NR4A3: variants seen among roughly 807,000 people sequenced by gnomAD.
NR4A3 encodes chondrosarcoma, extraskeletal myxoid, fused to EWS.
A neutral mutation model predicts 55.6 loss-of-function variants in NR4A3; 13 were observed. The ratio of observed to expected loss-of-function variants is 0.23; its 90% CI spans 0.15 to 0.37. The LOEUF is 0.37. Among genes scored for constraint, NR4A3 ranks in the 10% least tolerant of loss-of-function variants. NR4A3 has a pLI of 1.00. For missense variants in NR4A3, 646 were observed against 822.8 expected, an observed-to-expected ratio of 0.79 and a Z score of 2.63; for synonymous variants, 342 against 357.9, an observed-to-expected ratio of 0.96 and a Z score of 0.50.
At chr9:99,833,657 T>A in intron 5 of NR4A3, 2 of 1,589,572 alleles carry the variant, frequency 1.3e-6, no homozygotes, top group East Asian at 4.5e-5. Context: ...TCTAAATGCC[T>A]TAACAAGTGA....
intron 6 of NR4A3, 45 bp downstream of exon 6, chr9:99,844,893 C>A: frequency 1.4e-6 from 2 of 1,422,066 alleles, no homozygotes; most frequent in Non-Finnish European, 2.0e-6. Flanking sequence ...TTTGAAGAAG[C>A]CTGAAACCTT....
At chr9:99,834,573 G>T (rs1827517796) in intron 5 of NR4A3, among the ~76,000 whole-genome samples, 1 of 152,182 alleles carries the variant, frequency 6.6e-6, no homozygotes, top group Non-Finnish European at 1.5e-5. Context: ...CCCCCAGTCG[G>T]TTGATCTGTC....
chr9:99,829,112 C>A, intron 3 of NR4A3, 119 bp downstream of exon 3: 1 of 1,143,572 alleles, frequency 8.7e-7, no homozygotes, highest in Non-Finnish European at 1.1e-6. Context: ...GCACATCATG[C>A]TTTCCTACAG....
intron 3 of NR4A3, among the ~76,000 whole-genome samples, chr9:99,829,695 A>G (rs1364705472): frequency 1.3e-5 from 2 of 152,172 alleles, no homozygotes; most frequent in African/African-American, 4.8e-5. Context: ...GCCTCTTTCC[A>G]TAGAAGATAG....
At chr9:99,857,095 A>G (rs887579484) in intron 7 of NR4A3, among the ~76,000 whole-genome samples, 1 of 152,212 alleles carries the variant, frequency 6.6e-6, no homozygotes, top group East Asian at 1.9e-4. Flanking sequence ...GATAGCAAAG[A>G]TATTGAAGAT....
rs1307319277 is a variant in NR4A3 at position 99,822,343 on chromosome 9, C to T, written c.-241C>T. On this transcript the variant is annotated 5_prime_UTR_variant, in exon 1 of 8. Transcript: ENST00000395097. This position sits in a 1 kb window ranked among gnomAD's most constrained non-coding sequence, Gnocchi z 4.9. Reference sequence around the variant, plus strand: ...CGGGACAGCAGCTGTGACTCCCCCCCAGTGCAGATTTCGGGACAGCTCTCT... The same window carrying T: ...CGGGACAGCAGCTGTGACTCCCCCCTAGTGCAGATTTCGGGACAGCTCTCT... 1 of 152,452 alleles carries T rather than the reference C, an allele frequency of 6.6e-6. No individual in the cohort carries two copies. The highest frequency in any genetic ancestry group is 1.5e-5 in the Non-Finnish European group (1 of 68,202). The allele number at this position is 152,452 out of a possible 1,614,324, so 9.4% of individuals were successfully genotyped here.
chr9:99,851,258 G>A (rs1390134018), intron 7 of NR4A3, among the ~76,000 whole-genome samples: 1 of 152,158 alleles, frequency 6.6e-6, no homozygotes, highest in Non-Finnish European at 1.5e-5. Context: ...GGCAGAAAAG[G>A]CAATGCCTGG....
intron 7 of NR4A3, among the ~76,000 whole-genome samples, chr9:99,850,073 T>C (rs543421115): frequency 2.0e-5 from 3 of 152,274 alleles, no homozygotes; most frequent in South Asian, 2.1e-4. Flanking sequence ...AGGAAACAGC[T>C]GAAAATTGGA....
At chr9:99,823,927 A>G (rs1827236111) in intron 1 of NR4A3, among the ~76,000 whole-genome samples, 1 of 151,972 alleles carries the variant, frequency 6.6e-6, no homozygotes, top group Non-Finnish European at 1.5e-5. Flanking sequence ...AACTCCGCAG[A>G]GGAGCCCCGG....
In NR4A3 at chr9:99,826,857, C is replaced by T. The variant is rs868433128; in HGVS notation, c.-3+1025C>T. ...GTATTCACTTCTCTATTAGTCACAC[C>T]TTTTACACCATAGACTCCAAAGAGG... On this transcript the variant is annotated intron_variant, in intron 2 of 7. Coordinates refer to ENST00000395097, the MANE Select transcript of NR4A3 (RefSeq NM_006981.4). 1.5e-5 allele frequency: 23 copies of T among 1,509,890 alleles called. No individual in the cohort carries two copies. In the Middle Eastern group the frequency reaches 5.1e-4, roughly 33 times the overall value. The allele number at this position is 1,509,890 out of a possible 1,614,324, so 93.5% of individuals were successfully genotyped here.
At chr9:99,847,156 G>A (rs1413609262) in intron 6 of NR4A3, among the ~76,000 whole-genome samples, 2 of 152,198 alleles carry the variant, frequency 1.3e-5, no homozygotes. Flanking sequence ...CTGTCCCAAG[G>A]AAAGCCAGTA....
intron 1 of NR4A3, among the ~76,000 whole-genome samples, chr9:99,824,383 G>A (rs1472465976): frequency 6.6e-6 from 1 of 152,242 alleles, no homozygotes; most frequent in East Asian, 1.9e-4. Context: ...AGGGGCGGGT[G>A]GGGGATTGCT....
At chr9:99,851,912 G>T (rs1827855898) in intron 7 of NR4A3, among the ~76,000 whole-genome samples, 1 of 152,092 alleles carries the variant, frequency 6.6e-6, no homozygotes, top group Admixed American at 6.5e-5. Context: ...AGCATCGAGG[G>T]CCCACTATGT....
intron 5 of NR4A3, among the ~76,000 whole-genome samples, chr9:99,841,224 T>C (rs541320248): frequency 1.5e-3 from 207 of 134,416 alleles, no homozygotes; most frequent in African/African-American, 5.2e-3. Context: ...AGCAAGACTC[T>C]GTCTCCGAAA....
At chr9:99,847,071 T>TC (rs1827767520) in intron 6 of NR4A3, among the ~76,000 whole-genome samples, 1 of 152,176 alleles carries the variant, frequency 6.6e-6, no homozygotes, top group African/African-American at 2.4e-5. Flanking sequence ...GAGGGAACAG[T>TC]CTCATGTTCA....
Position 99,864,060 on chromosome 9 carries a change from G to T in NR4A3, c.*193G>T. ...AAAGCCAGAAAACTTGCAGAGTATTGTGTTGGGGTTGTGTTTTATATTTAG... is the reference window on the plus strand; with the variant it reads ...AAAGCCAGAAAACTTGCAGAGTATTTTGTTGGGGTTGTGTTTTATATTTAG... On this transcript the variant is annotated 3_prime_UTR_variant, in exon 8 of 8. Transcript: ENST00000395097. 1.8e-6 allele frequency: 1 copy of T among 541,574 alleles called. No homozygotes were observed. 33.5% of individuals were successfully genotyped at this position (541,574 alleles called of 1,614,324 possible).
chr9:99,844,984 G>A (rs1189583915), intron 6 of NR4A3, 136 bp downstream of exon 6: 5 of 739,032 alleles, frequency 6.8e-6, no homozygotes, highest in South Asian at 5.2e-5. Flanking sequence ...AAAAGACTGA[G>A]CAGCGAGTCA....
At chr9:99,834,910 G>A (rs1200000185) in intron 5 of NR4A3, 2 of 985,054 alleles carry the variant, frequency 2.0e-6, no homozygotes, top group African/African-American at 3.5e-5. Flanking sequence ...AATAGTGTAA[G>A]AGAATAAAGC....
chr9:99,862,559 AAAAAAAAAAAAAAAAAAAAAAAAAG>A (rs1400528547), intron 7 of NR4A3, among the ~76,000 whole-genome samples: 1 of 32,762 alleles, frequency 3.1e-5, no homozygotes, highest in African/African-American at 1.0e-4. Context: ...CAAAAAAAAA[AAAAAAAAAAAAAAAAAAAAAAAAAG>A]AGAGAGAAAT....
Sources: allele counts gnomAD v4.1 joint callset (sites outside exome capture counted in the v4.1 genomes callset), GRCh38; gene constraint gnomAD v4.1.1; non-coding constraint Gnocchi (gnomAD v3.1); transcripts MANE v1.5; gene names NCBI Gene and HGNC (gene_info 2026-07-23, HGNC 2026-07-21).